Variants in NMNAT2 observed in about 807,000 individuals in gnomAD.
NMNAT2 encodes the protein nicotinamide/nicotinic acid mononucleotide adenylyltransferase 2.
A neutral mutation model predicts 41.6 loss-of-function variants in NMNAT2; 11 were observed. The observed-to-expected ratio is 0.26, with a 90% CI of 0.17 to 0.44. The LOEUF (loss-of-function observed/expected upper bound fraction) is 0.44, where lower values mean the gene tolerates loss of function less well. Ranked by LOEUF, NMNAT2 falls within the 20% of genes least tolerant of loss-of-function variation. The pLI, the probability that NMNAT2 is intolerant of heterozygous loss-of-function variation, is 1.00. For synonymous variants in NMNAT2, 148 were observed against 151.2 expected (o/e 0.98, Z 0.16); for missense variants, 288 against 407.7 (o/e 0.71, Z 2.53).
intron 8 of NMNAT2, among the ~76,000 whole-genome samples, chr1:183,269,463 C>G (rs990283797): frequency 1.3e-5 from 2 of 152,244 alleles, no homozygotes; most frequent in African/African-American, 4.8e-5. Context: ...CAGGGCCATC[C>G]TGAGATCAGC....
In NMNAT2 at chr1:183,379,047, A is replaced by AATATCTATATCTATATCT. The variant is rs71127348; in HGVS notation, c.85+39118_85+39135dup. ...GACAGAGTGAGACTCTGTCTCAAAA[A>AATATCTATATCTATATCT]ATATCTATATCTATATCTATATCTA... On this transcript the variant is annotated intron_variant, in intron 1 of 10. Transcript: ENST00000287713. Among the ~76,000 whole-genome samples the AATATCTATATCTATATCT allele has an allele frequency of 8.6e-3, 1,198 of 139,804 alleles. 17 individuals are homozygous for AATATCTATATCTATATCT. Among genetic ancestry groups the AATATCTATATCTATATCT allele is most frequent in the African/African-American group, 0.02 (793 of 38,758 alleles). 91.7% of individuals were successfully genotyped at this position (139,804 alleles called of 152,430 possible).
chr1:183,343,453 A>C (rs1464811646), intron 1 of NMNAT2, among the ~76,000 whole-genome samples: 1 of 152,180 alleles, frequency 6.6e-6, no homozygotes, highest in African/African-American at 2.4e-5. Flanking sequence ...ACATTATACT[A>C]CTTGATTAAA....
chr1:183,356,549 G>T (rs947751225), intron 1 of NMNAT2, among the ~76,000 whole-genome samples: 2 of 152,242 alleles, frequency 1.3e-5, no homozygotes, highest in African/African-American at 4.8e-5. Context: ...CAAATATTTT[G>T]TTTAAACTTG....
At chr1:183,268,277 G>C (rs182863815) in intron 8 of NMNAT2, among the ~76,000 whole-genome samples, 2 of 152,278 alleles carry the variant, frequency 1.3e-5, no homozygotes, top group South Asian at 2.1e-4. Context: ...GCCCTGCCTT[G>C]CTGGATTTAA....
intron 8 of NMNAT2, among the ~76,000 whole-genome samples, chr1:183,269,586 A>G (rs966675199): frequency 6.6e-6 from 1 of 152,250 alleles, no homozygotes; most frequent in African/African-American, 2.4e-5. Flanking sequence ...AGGGATGCAC[A>G]TGGGCCCATT....
intron 1 of NMNAT2, among the ~76,000 whole-genome samples, chr1:183,366,990 T>C (rs1323409122): frequency 6.6e-6 from 1 of 152,154 alleles, no homozygotes; most frequent in African/African-American, 2.4e-5. Flanking sequence ...AGTTTGTTAC[T>C]TATACATGCT....
At chr1:183,402,741 A>G (rs1249977638) in intron 1 of NMNAT2, among the ~76,000 whole-genome samples, 1 of 152,114 alleles carries the variant, frequency 6.6e-6, no homozygotes, top group Non-Finnish European at 1.5e-5. Context: ...CACTCCCTCA[A>G]GGCAGGACAA....
At chr1:183,318,374 A>T (rs1017361385) in intron 1 of NMNAT2, among the ~76,000 whole-genome samples, 1 of 152,178 alleles carries the variant, frequency 6.6e-6, no homozygotes, top group Non-Finnish European at 1.5e-5. Context: ...TTGGGATGGG[A>T]GGAGAGGGAC....
At position 183,343,701 on chromosome 1, in the gene NMNAT2, C is replaced by T. The variant is rs190105576; in HGVS notation, c.86-49908G>A. On this transcript the variant is annotated intron_variant, in intron 1 of 10. Coordinates refer to ENST00000287713, the MANE Select transcript of NMNAT2 (RefSeq NM_015039.4). ...TTGAAAAAGTCTCTTTATTTGTCTA[C>T]TGGCCCCCTCCAATCTATCCTTCAA... Among the ~76,000 whole-genome samples the T allele has an allele frequency of 1.2e-4, 18 of 152,326 alleles. No individual in the cohort carries two copies. The East Asian group carries it at 2.3e-3, about 20-fold the overall frequency.
chr1:183,381,010 G>A (rs753129348), intron 1 of NMNAT2, among the ~76,000 whole-genome samples: 9 of 152,206 alleles, frequency 5.9e-5, no homozygotes, highest in Non-Finnish European at 1.3e-4. Context: ...AGAGGGGCCA[G>A]TGGAAAGTCT....
At position 183,385,470 on chromosome 1, in the gene NMNAT2, G is replaced by C. The variant is rs146501807; in HGVS notation, c.85+32713C>G. Among the ~76,000 whole-genome samples, 3 of 152,252 alleles carry C rather than the reference G, an allele frequency of 2.0e-5. No homozygotes were observed. The East Asian group carries it at 5.8e-4, about 29-fold the overall frequency. ...AGACAGCAGGCACAGGTCTAATTGA[G>C]ATAAAACAAAACCAAAGCAGATTAC... is the stretch of plus-strand genomic sequence containing the variant. On this transcript the variant is annotated intron_variant, in intron 1 of 10. Transcript: ENST00000287713.
intron 1 of NMNAT2, among the ~76,000 whole-genome samples, chr1:183,303,405 G>T (rs988725274): frequency 2.0e-4 from 30 of 152,198 alleles, no homozygotes. Flanking sequence ...CACAGCAACT[G>T]TGTAAGTTGT....
At chr1:183,254,418 TTTTGTTTG>T (rs142232887) in intron 10 of NMNAT2, among the ~76,000 whole-genome samples, 5,546 of 151,866 alleles carry the variant, frequency 0.037, 346 homozygotes, top group African/African-American at 0.13. Context: ...TCTTCTGGTG[TTTTGTTTG>T]TTTGTTTGTT....
At chr1:183,399,687 AG>A (rs1230988889) in intron 1 of NMNAT2, among the ~76,000 whole-genome samples, 2 of 152,226 alleles carry the variant, frequency 1.3e-5, no homozygotes, top group African/African-American at 4.8e-5. Flanking sequence ...AACCAAATCC[AG>A]CAGCACATCA....
intron 1 of NMNAT2, among the ~76,000 whole-genome samples, chr1:183,337,686 C>T (rs1406438785): frequency 1.8e-4 from 27 of 151,922 alleles, no homozygotes; most frequent in Admixed American, 1.8e-3. Context: ...AGGATTCAGC[C>T]GAAGCTTCTC....
intron 2 of NMNAT2, 86 bp from the exon 3 acceptor site, chr1:183,292,943 A>G: frequency 8.0e-7 from 1 of 1,248,586 alleles, no homozygotes; most frequent in Non-Finnish European, 1.2e-6. Context: ...ACCCATTGTT[A>G]AAGTGCAGCC....
At chr1:183,307,967 T>A (rs568157995) in intron 1 of NMNAT2, among the ~76,000 whole-genome samples, 9 of 152,326 alleles carry the variant, frequency 5.9e-5, no homozygotes, top group Middle Eastern at 3.4e-3. Context: ...CGGACTTTAG[T>A]GCTTCAGCTG....
At chr1:183,406,747 C>T (rs1000708035) in intron 1 of NMNAT2, among the ~76,000 whole-genome samples, 1 of 150,922 alleles carries the variant, frequency 6.6e-6, no homozygotes, top group Non-Finnish European at 1.5e-5. Context: ...CACTAGGTGT[C>T]ATGTACCTAA....
chr1:183,304,885 C>A, intron 1 of NMNAT2: 1 of 1,492,376 alleles, frequency 6.7e-7, no homozygotes, highest in Non-Finnish European at 8.9e-7. Context: ...TCCCTTTGTC[C>A]TTACAGCCAG....
Sources: allele counts gnomAD v4.1 joint callset (sites outside exome capture counted in the v4.1 genomes callset), GRCh38; gene constraint gnomAD v4.1.1; transcripts MANE v1.5; gene names NCBI Gene and HGNC (gene_info 2026-07-23, HGNC 2026-07-21).